COL4A2: variants seen among roughly 807,000 people sequenced by gnomAD.
COL4A2 encodes the protein collagen alpha-2(IV) chain.
Under a neutral mutation model 200.2 loss-of-function variants are expected in COL4A2, and 99 were observed. That is an observed-to-expected ratio of 0.49 (90% confidence interval 0.42 to 0.58). The LOEUF (loss-of-function observed/expected upper bound fraction) is 0.58, where lower values mean the gene tolerates loss of function less well. Ranked by LOEUF, COL4A2 falls within the 20% of genes least tolerant of loss-of-function variation. The probability of loss-of-function intolerance (pLI) is 0.00; values close to 1 mark genes in which losing one functional copy is unlikely to be tolerated. For missense variants in COL4A2, 1,950 were observed against 2,314.1 expected, an observed-to-expected ratio of 0.84 and a Z score of 3.23; for synonymous variants, 897 against 900.6, an observed-to-expected ratio of 1.00 and a Z score of 0.07.
intron 4 of COL4A2, among the ~76,000 whole-genome samples, chr13:110,387,095 T>A (rs1031598909): frequency 6.6e-6 from 1 of 151,988 alleles, no homozygotes; most frequent in Non-Finnish European, 1.5e-5. Context: ...AAAAGTTAGC[T>A]GGCCGTGGTG....
chr13:110,507,863 G>A (rs1883938654), intron 46 of COL4A2, 72 bp from the exon 47 acceptor site: 2 of 1,512,592 alleles, frequency 1.3e-6, no homozygotes, highest in Non-Finnish European at 1.8e-6. Context: ...CAGCCTCCTG[G>A]GCCTGGCTGG....
chr13:110,390,803 G>T (rs1392682586), intron 4 of COL4A2, among the ~76,000 whole-genome samples: 5 of 152,166 alleles, frequency 3.3e-5, no homozygotes, highest in African/African-American at 1.2e-4. Context: ...TGAGTAATCC[G>T]CTTGTTTAGG....
intron 13 of COL4A2, among the ~76,000 whole-genome samples, chr13:110,436,624 A>T (rs75102126): frequency 5.9e-5 from 9 of 151,320 alleles, no homozygotes; most frequent in East Asian, 1.9e-4. Context: ...GAATTCATTT[A>T]AAAAAAAACT....
At chr13:110,483,848 T>G (rs1307550947) in intron 32 of COL4A2, among the ~76,000 whole-genome samples, 2 of 152,236 alleles carry the variant, frequency 1.3e-5, no homozygotes, top group Non-Finnish European at 2.9e-5. Flanking sequence ...TGCTGCTTGC[T>G]CACAGCTCTG....
intron 4 of COL4A2, among the ~76,000 whole-genome samples, chr13:110,393,093 G>A (rs1012479941): frequency 6.6e-5 from 10 of 152,308 alleles, no homozygotes; most frequent in African/African-American, 2.4e-4. Flanking sequence ...ATTGGCCCAC[G>A]GTGGTGCTGA....
At chr13:110,503,764 C>A in intron 43 of COL4A2, 83 bp from the exon 44 acceptor site, 1 of 1,539,036 alleles carries the variant, frequency 6.5e-7, no homozygotes, top group Non-Finnish European at 8.9e-7. Flanking sequence ...AGAAGCCTCC[C>A]TGGTGAGAAA....
intron 11 of COL4A2, among the ~76,000 whole-genome samples, chr13:110,433,469 T>C (rs1880759784): frequency 6.6e-6 from 1 of 152,212 alleles, no homozygotes. Flanking sequence ...TCACACAAAT[T>C]GCATTCTAAT....
intron 18 of COL4A2, among the ~76,000 whole-genome samples, chr13:110,447,984 A>G (rs1237615328): frequency 6.6e-6 from 1 of 152,218 alleles, no homozygotes; most frequent in African/African-American, 2.4e-5. Context: ...GGCCATGGGC[A>G]GTGCCTCCAG....
At chr13:110,469,161 A>G in intron 27 of COL4A2, 56 bp from the exon 28 acceptor site, 2 of 1,543,120 alleles carry the variant, frequency 1.3e-6, no homozygotes, top group African/African-American at 1.4e-5. Flanking sequence ...AAGCATGACC[A>G]TGCCCATTTA....
rs1010199654 is a variant in COL4A2 at position 110,334,556 on chromosome 13, C to T, written c.100-22916C>T. On this transcript the variant is annotated intron_variant, in intron 3 of 47. Transcript: ENST00000360467. ...AAGTAGAAACACATTCCATTTCCTT[C>T]ATACCTGTCGTGGTCATGGCACACT... 2.0e-5 allele frequency among the ~76,000 whole-genome samples: 3 copies of T among 152,250 alleles called. No homozygotes were observed. The South Asian group carries it at 6.2e-4, about 31-fold the overall frequency.
At chr13:110,434,658 T>A (rs2139462766) in intron 12 of COL4A2, among the ~76,000 whole-genome samples, 1 of 152,310 alleles carries the variant, frequency 6.6e-6, no homozygotes, top group South Asian at 2.1e-4. Context: ...ACATAGACCA[T>A]CTAGGCTAGC....
intron 4 of COL4A2, among the ~76,000 whole-genome samples, chr13:110,401,410 G>A (rs751776006): frequency 9.2e-5 from 14 of 152,210 alleles, no homozygotes; most frequent in Non-Finnish European, 2.1e-4. Context: ...ATATAAACTT[G>A]AGAAAACCTA....
intron 38 of COL4A2, 150 bp from the exon 39 acceptor site, chr13:110,493,059 TAA>T: frequency 1.4e-5 from 12 of 872,746 alleles, no homozygotes; most frequent in South Asian, 2.8e-5. Context: ...ACAGGTGAAA[TAA>T]CGATGAGTGA....
chr13:110,409,047 CAG>C (rs1259339862), intron 4 of COL4A2, among the ~76,000 whole-genome samples: 4 of 139,046 alleles, frequency 2.9e-5, no homozygotes, highest in African/African-American at 2.7e-5. Flanking sequence ...TACACACATG[CAG>C]ATATACACAT....
intron 6 of COL4A2, among the ~76,000 whole-genome samples, chr13:110,427,358 C>G (rs1195644972): frequency 6.6e-6 from 1 of 152,142 alleles, no homozygotes; most frequent in Non-Finnish European, 1.5e-5. Flanking sequence ...CCATGTTGGC[C>G]AGGCTGGTCT....
chr13:110,382,352 C>T (rs577480857), intron 4 of COL4A2, among the ~76,000 whole-genome samples: 1 of 152,182 alleles, frequency 6.6e-6, no homozygotes, highest in Non-Finnish European at 1.5e-5. Context: ...ACAAGACTTG[C>T]AAGACTTGAA....
intron 18 of COL4A2, among the ~76,000 whole-genome samples, chr13:110,448,029 G>T (rs1437121546): frequency 6.6e-6 from 1 of 152,200 alleles, no homozygotes; most frequent in African/African-American, 2.4e-5. Flanking sequence ...GAGGCGTGGA[G>T]CCGTGAATGG....
intron 3 of COL4A2, among the ~76,000 whole-genome samples, chr13:110,324,673 G>A (rs1444521194): frequency 6.6e-6 from 1 of 152,200 alleles, no homozygotes; most frequent in Non-Finnish European, 1.5e-5. Flanking sequence ...CTGCTGCCCA[G>A]GGTGCCACAG....
At chr13:110,375,786 C>T (rs1030206417) in intron 4 of COL4A2, among the ~76,000 whole-genome samples, 5 of 151,848 alleles carry the variant, frequency 3.3e-5, no homozygotes, top group South Asian at 2.1e-4. Context: ...GCCAAGATCA[C>T]GCCGCTGCAC....
Sources: gnomAD v4.1 joint callset for allele counts (sites outside exome capture counted in the v4.1 genomes callset) on GRCh38, gnomAD v4.1.1 for gene constraint, MANE v1.5 for transcripts, NCBI Gene and HGNC (gene_info 2026-07-23, HGNC 2026-07-21) for gene names.